The following TNR variants were observed in gnomAD, a reference collection of about 807,000 sequenced individuals.
TNR encodes tenascin R, also known as tenascin-R.
A neutral mutation model predicts 150.4 loss-of-function variants in TNR; 45 were observed. The observed-to-expected ratio is 0.30, with a 90% CI of 0.24 to 0.38. TNR has a LOEUF of 0.38. Ranked by LOEUF, TNR falls within the 10% of genes least tolerant of loss-of-function variation. The pLI is 1.00. For missense variants in TNR, 1,544 were observed against 1,759.1 expected (o/e 0.88, Z 2.19); for synonymous variants, 687 against 678.4 (o/e 1.01, Z -0.20).
intron 2 of TNR, among the ~76,000 whole-genome samples, chr1:175,477,581 A>G (rs1289901036): frequency 1.3e-5 from 2 of 152,202 alleles, no homozygotes; most frequent in Non-Finnish European, 2.9e-5. Context: ...TGCACCATCT[A>G]ATGAAAATGG....
chr1:175,593,299 C>A (rs1257122780), intron 1 of TNR, among the ~76,000 whole-genome samples: 7 of 152,188 alleles, frequency 4.6e-5, no homozygotes, highest in African/African-American at 9.7e-5. Context: ...CCCTCCAACC[C>A]AGCCCTTTAC....
At chr1:175,631,067 G>C (rs532023620) in intron 1 of TNR, among the ~76,000 whole-genome samples, 9 of 152,194 alleles carry the variant, frequency 5.9e-5, no homozygotes, top group Non-Finnish European at 1.0e-4. Context: ...TTTCAACGGC[G>C]CAATCTTTGT....
rs568662147 is a variant in TNR, at chr1:175,427,770, C to T, written c.-63-20993G>A. Among the ~76,000 whole-genome samples the T allele has an allele frequency of 5.0e-5, 7 of 139,682 alleles. No homozygotes were observed. In the South Asian group the frequency reaches 9.8e-4, roughly 20 times the overall value. 91.6% of individuals were successfully genotyped at this position (139,682 alleles called of 152,430 possible). A position where few individuals can be genotyped will look rare whatever the true frequency, so the allele number is the denominator to read the frequency against. On this transcript the variant is annotated intron_variant, in intron 2 of 22. Coordinates refer to ENST00000367674, the MANE Select transcript of TNR (RefSeq NM_003285.3). ...TCCTTCCTTCCCTTCTTCCCTCCTT[C>T]CCTCTTTCTTTCCCTTTCTTCCTTC... is the stretch of plus-strand genomic sequence containing the variant.
chr1:175,704,219 G>A (rs550393627), intron 1 of TNR, among the ~76,000 whole-genome samples: 5 of 152,282 alleles, frequency 3.3e-5, no homozygotes, highest in African/African-American at 7.2e-5. Context: ...TTTATGTTAC[G>A]TGGATTTTAC....
chr1:175,671,951 T>TGTGTGTGTGTGTGTGTGTG, intron 1 of TNR, among the ~76,000 whole-genome samples: 1 of 106,412 alleles, frequency 9.4e-6, no homozygotes, highest in African/African-American at 4.2e-5. Flanking sequence ...GTGTGTGTGT[T>TGTGTGTGTGTGTGTGTGTG]GGAGAGGGGG....
At chr1:175,465,041 T>G (rs928803286) in intron 2 of TNR, among the ~76,000 whole-genome samples, 1 of 152,128 alleles carries the variant, frequency 6.6e-6, no homozygotes, top group South Asian at 2.1e-4. Context: ...TGTTGGGGTT[T>G]CAATTCAAAA....
chr1:175,374,925 T>G (rs1652304355), intron 9 of TNR, among the ~76,000 whole-genome samples: 1 of 152,176 alleles, frequency 6.6e-6, no homozygotes, highest in Non-Finnish European at 1.5e-5. Flanking sequence ...GAAGACCAGG[T>G]GAGAGAGAGT....
At chr1:175,618,650 C>T (rs1307052093) in intron 1 of TNR, among the ~76,000 whole-genome samples, 1 of 152,196 alleles carries the variant, frequency 6.6e-6, no homozygotes, top group Non-Finnish European at 1.5e-5. Context: ...TCAGGAGAAC[C>T]ATACAGAAAG....
In TNR at chr1:175,381,372, T is replaced by G. The variant is rs1215373383; in HGVS notation, c.1778-1635A>C. 2.6e-5 allele frequency among the ~76,000 whole-genome samples: 4 copies of G among 152,236 alleles called. No homozygotes were observed. In the East Asian group the frequency reaches 7.7e-4, roughly 29 times the overall value. On this transcript the variant is annotated intron_variant, in intron 8 of 22. Transcript: ENST00000367674. ...CTAAAAACCCAGGCCTTGGAAATGT[T>G]AAACTATGGTTTTTGTTGTTGTTGT...
intron 2 of TNR, among the ~76,000 whole-genome samples, chr1:175,435,685 T>C (rs1335272414): frequency 3.9e-5 from 6 of 152,182 alleles, no homozygotes; most frequent in Non-Finnish European, 8.8e-5. Context: ...AGTTCATTGA[T>C]GTTAGCTGGT....
At chr1:175,386,323 G>A in intron 7 of TNR, 22 bp from the exon 8 acceptor site, 1 of 1,513,702 alleles carries the variant, frequency 6.6e-7, no homozygotes, top group Admixed American at 2.2e-5. Flanking sequence ...GGATCAAACA[G>A]AACAAAAAGT....
intron 2 of TNR, among the ~76,000 whole-genome samples, chr1:175,418,495 AG>A (rs1455411567): frequency 1.3e-5 from 2 of 152,204 alleles, no homozygotes; most frequent in East Asian, 3.9e-4. Flanking sequence ...AGGCCAAGGC[AG>A]ATGGATCACG....
chr1:175,584,902 T>C (rs1662506707), intron 1 of TNR, among the ~76,000 whole-genome samples: 1 of 152,246 alleles, frequency 6.6e-6, no homozygotes, highest in Non-Finnish European at 1.5e-5. Context: ...CCCACCCAAC[T>C]GTCAAGGAAG....
chr1:175,600,906 G>A (rs765216916), intron 1 of TNR, among the ~76,000 whole-genome samples: 16 of 152,188 alleles, frequency 1.1e-4, no homozygotes, highest in Non-Finnish European at 2.2e-4. Flanking sequence ...GAACTCCTGA[G>A]TTTGTTTGTG....
intron 1 of TNR, among the ~76,000 whole-genome samples, chr1:175,700,642 A>C (rs1666664829): frequency 6.6e-6 from 1 of 152,172 alleles, no homozygotes; most frequent in Non-Finnish European, 1.5e-5. Context: ...GAGAATGAGC[A>C]CTGGGTCTGC....
chr1:175,339,092 C>A (rs1298271511), intron 18 of TNR, among the ~76,000 whole-genome samples: 5 of 152,176 alleles, frequency 3.3e-5, no homozygotes, highest in African/African-American at 1.2e-4. Context: ...CTTGAGAGGA[C>A]AGCAGATTGG....
At chr1:175,374,026 G>A (rs1030386539) in intron 9 of TNR, among the ~76,000 whole-genome samples, 2 of 152,214 alleles carry the variant, frequency 1.3e-5, no homozygotes, top group Admixed American at 6.5e-5. Flanking sequence ...GCTGAGCACT[G>A]TCTGGCCCGG....
chr1:175,476,953 G>A (rs1367500749), intron 2 of TNR, among the ~76,000 whole-genome samples: 1 of 152,186 alleles, frequency 6.6e-6, no homozygotes, highest in Non-Finnish European at 1.5e-5. Context: ...TAGAATTACA[G>A]TTCCTTCCTC....
intron 2 of TNR, among the ~76,000 whole-genome samples, chr1:175,445,724 T>G (rs1250749501): frequency 6.6e-6 from 1 of 152,246 alleles, no homozygotes; most frequent in Non-Finnish European, 1.5e-5. Flanking sequence ...TTTCCCAAAT[T>G]GTATACCACT....
Sources: gnomAD v4.1 joint callset for allele counts (sites outside exome capture counted in the v4.1 genomes callset) on GRCh38, gnomAD v4.1.1 for gene constraint, MANE v1.5 for transcripts, NCBI Gene and HGNC (gene_info 2026-07-23, HGNC 2026-07-21) for gene names.